The following UNC13C variants were observed in gnomAD, a reference collection of about 807,000 sequenced individuals.
UNC13C encodes protein unc-13 homolog C.
A neutral mutation model predicts 245.4 loss-of-function variants in UNC13C; 174 were observed. That is an observed-to-expected ratio of 0.71 (90% confidence interval 0.63 to 0.80). The LOEUF (loss-of-function observed/expected upper bound fraction) is 0.80. Ranked by LOEUF, UNC13C falls within the 30% of genes least tolerant of loss-of-function variation. UNC13C has a pLI of 0.00. For synonymous variants in UNC13C, 992 were observed against 895.1 expected (o/e 1.11, Z -1.93); for missense variants, 2,829 against 2,602.9 (o/e 1.09, Z -1.89).
chr15:53,977,304 C>T (rs1893741175), upstream of UNC13C, among the ~76,000 whole-genome samples: 1 of 152,146 alleles, frequency 6.6e-6, no homozygotes, highest in Non-Finnish European at 1.5e-5. Flanking sequence ...TTGTCACATA[C>T]GGTAGGTGAA....
chr15:54,462,477 G>A (rs1330004313), intron 19 of UNC13C, among the ~76,000 whole-genome samples: 1 of 152,162 alleles, frequency 6.6e-6, no homozygotes, highest in Non-Finnish European at 1.5e-5. Context: ...GCCGGAACCG[G>A]GGCTACGCAC....
intron 17 of UNC13C, among the ~76,000 whole-genome samples, chr15:54,383,552 G>T (rs758599489): frequency 1.1e-4 from 17 of 151,936 alleles, no homozygotes; most frequent in Admixed American, 6.6e-5. Context: ...ATAAACCCAC[G>T]CTAACATCAT....
the UNC13C span, among the ~76,000 whole-genome samples, chr15:53,932,501 G>T: frequency 6.6e-6 from 1 of 152,144 alleles, no homozygotes; most frequent in Non-Finnish European, 1.5e-5. Context: ...ATACCTGAAA[G>T]TGTTAACAAG....
chr15:54,508,074 T>C (rs918379399), intron 23 of UNC13C, among the ~76,000 whole-genome samples: 1 of 152,062 alleles, frequency 6.6e-6, no homozygotes, highest in African/African-American at 2.4e-5. Context: ...ATGCTTCTTT[T>C]CCTTAAATTA....
chr15:54,044,942 A>G (rs1026310327), intron 2 of UNC13C, among the ~76,000 whole-genome samples: 1 of 151,872 alleles, frequency 6.6e-6, no homozygotes, highest in Non-Finnish European at 1.5e-5. Flanking sequence ...TTATTGTTGA[A>G]TTGTATGATA....
Position 54,237,896 on chromosome 15 carries a change from C to T in UNC13C, c.3228+206C>T, listed in dbSNP as rs950653057. On this transcript the variant is annotated intron_variant, in intron 7 of 32. Coordinates refer to ENST00000260323, the MANE Select transcript of UNC13C (RefSeq NM_001080534.3). ...TCTCCTCAAATACTTATAAACCTTC[C>T]TATCTTTACAAATGCTGTTCAATTC... Among the ~76,000 whole-genome samples, 9 of 152,092 alleles carry T rather than the reference C, an allele frequency of 5.9e-5. No homozygotes were observed. In the South Asian group the frequency reaches 8.3e-4, roughly 14 times the overall value.
At chr15:54,502,196 T>C (rs1380646936) in intron 22 of UNC13C, among the ~76,000 whole-genome samples, 1 of 152,118 alleles carries the variant, frequency 6.6e-6, no homozygotes, top group African/African-American at 2.4e-5. Flanking sequence ...ATAAGCCACC[T>C]TGAGGGATGT....
At chr15:53,963,127 G>A in the UNC13C span, among the ~76,000 whole-genome samples, 3 of 152,110 alleles carry the variant, frequency 2.0e-5, no homozygotes, top group Non-Finnish European at 2.9e-5. Context: ...AATTAGACAC[G>A]CCAGCAGAGG....
At chr15:54,221,781 G>T (rs914980668) in intron 4 of UNC13C, among the ~76,000 whole-genome samples, 1 of 152,018 alleles carries the variant, frequency 6.6e-6, no homozygotes, top group Non-Finnish European at 1.5e-5. Flanking sequence ...AACTCCTTCA[G>T]ATACAGAGTA....
Position 54,499,192 on chromosome 15 carries a change from G to C in UNC13C, c.5061-887G>C, listed in dbSNP as rs540391499. The stretch of plus-strand genomic sequence containing the variant: ...AAGAGAGAATGGGGCATCTCACATG[G>C]GGGGAGCAGGAGCAAGAGAGAGTGA... On this transcript the variant is annotated intron_variant, in intron 20 of 32. Coordinates refer to ENST00000260323, the MANE Select transcript of UNC13C (RefSeq NM_001080534.3). Among the ~76,000 whole-genome samples, 8 of 152,180 alleles carry C rather than the reference G, an allele frequency of 5.3e-5. No homozygotes were observed. In the East Asian group the frequency reaches 1.2e-3, roughly 22 times the overall value.
chr15:54,063,867 G>A (rs996245502), intron 2 of UNC13C, among the ~76,000 whole-genome samples: 2 of 152,108 alleles, frequency 1.3e-5, no homozygotes, highest in African/African-American at 4.8e-5. Context: ...GAGGGGAAAG[G>A]GCCATTAGAC....
In UNC13C at chr15:54,567,793, T is replaced by C. The variant is rs748624571; in HGVS notation, c.5959-7T>C. The C allele has an allele frequency of 5.7e-6, 9 of 1,578,916 alleles. No homozygotes were observed. In the African/African-American group the frequency reaches 6.8e-5, roughly 12 times the overall value. On this transcript the variant is annotated splice_region_variant and splice_polypyrimidine_tract_variant and intron_variant, in intron 29 of 32. Coordinates refer to ENST00000260323, the MANE Select transcript of UNC13C (RefSeq NM_001080534.3). ...AAATGCCTCGGCTTATTTTTTTTTC[T>C]TTGTAGCAATACTTTCATGCAGGAG...
intron 19 of UNC13C, among the ~76,000 whole-genome samples, chr15:54,450,813 A>C (rs907522995): frequency 5.3e-5 from 8 of 152,072 alleles, no homozygotes; most frequent in Non-Finnish European, 8.8e-5. Flanking sequence ...AGTGAGATGA[A>C]CCCAGTACCT....
the UNC13C span, among the ~76,000 whole-genome samples, chr15:53,970,775 G>A: frequency 6.6e-6 from 1 of 152,062 alleles, no homozygotes; most frequent in Non-Finnish European, 1.5e-5. Context: ...CAACCACCAT[G>A]GCACATGTTG....
rs1162341948 is a variant in UNC13C, at chr15:54,147,192, C to T, written c.3071+3508C>T. ...TCTGAGTGATACATGCCCATGGCAGCTACCGAGCATCAATTTGATGAAACT... is the reference window on the plus strand; with the variant it reads ...TCTGAGTGATACATGCCCATGGCAGTTACCGAGCATCAATTTGATGAAACT... On this transcript the variant is annotated intron_variant, in intron 4 of 32. Coordinates refer to ENST00000260323, the MANE Select transcript of UNC13C (RefSeq NM_001080534.3). Among the ~76,000 whole-genome samples, 3 of 150,572 alleles carry T rather than the reference C, an allele frequency of 2.0e-5. No homozygotes were observed. The Admixed American group carries it at 2.0e-4, about 10-fold the overall frequency.
At chr15:54,562,166 G>A (rs1469035918) in intron 29 of UNC13C, among the ~76,000 whole-genome samples, 1 of 151,956 alleles carries the variant, frequency 6.6e-6, no homozygotes, top group East Asian at 1.9e-4. Context: ...TGAGTTCTAT[G>A]TTATTCTGCC....
the UNC13C span, among the ~76,000 whole-genome samples, chr15:53,928,014 A>G: frequency 6.6e-6 from 1 of 152,190 alleles, no homozygotes; most frequent in Non-Finnish European, 1.5e-5. Flanking sequence ...TTTATTAAAG[A>G]AGGGATAAAG....
intron 2 of UNC13C, among the ~76,000 whole-genome samples, chr15:54,021,258 C>G (rs982770004): frequency 6.6e-6 from 1 of 152,068 alleles, no homozygotes; most frequent in Non-Finnish European, 1.5e-5. Flanking sequence ...GGTCACCATA[C>G]CGTGCAGTAG....
intron 19 of UNC13C, among the ~76,000 whole-genome samples, chr15:54,478,987 G>C (rs1462983234): frequency 6.6e-6 from 1 of 152,088 alleles, no homozygotes; most frequent in Non-Finnish European, 1.5e-5. Context: ...TTATGAATCT[G>C]GGTGCTCCTG....
Sources: gnomAD v4.1 joint callset for allele counts (sites outside exome capture counted in the v4.1 genomes callset) on GRCh38, gnomAD v4.1.1 for gene constraint, MANE v1.5 for transcripts, NCBI Gene and HGNC (gene_info 2026-07-23, HGNC 2026-07-21) for gene names.